Variants in PRKG1 observed in about 807,000 individuals in gnomAD.
The protein encoded by PRKG1 is protein kinase cGMP-dependent 1, also known as cGMP-dependent protein kinase 1.
A neutral mutation model predicts 88.1 loss-of-function variants in PRKG1; 35 were observed. The ratio of observed to expected loss-of-function variants is 0.40; its 90% CI spans 0.30 to 0.53. PRKG1 has a LOEUF of 0.53. PRKG1 is among the 20% of genes least tolerant of loss of function. PRKG1 has a pLI of 0.59. For synonymous variants in PRKG1, 303 were observed against 292.5 expected (o/e 1.04, Z -0.37); for missense variants, 540 against 839.8 (o/e 0.64, Z 4.41).
intron 4 of PRKG1, among the ~76,000 whole-genome samples, chr10:51,890,383 G>A (rs977473269): frequency 6.6e-6 from 1 of 152,080 alleles, no homozygotes; most frequent in East Asian, 1.9e-4. Context: ...AAAACTTACA[G>A]GTATCTTAGG....
intron 2 of PRKG1, among the ~76,000 whole-genome samples, chr10:51,211,136 C>T (rs1247683753): frequency 6.6e-6 from 1 of 152,192 alleles, no homozygotes; most frequent in Non-Finnish European, 1.5e-5. Flanking sequence ...TGGGCTTCAT[C>T]CCTGGGATGC....
chr10:51,586,270 T>C (rs1838170778), intron 3 of PRKG1, among the ~76,000 whole-genome samples: 1 of 152,168 alleles, frequency 6.6e-6, no homozygotes. Flanking sequence ...ACAGACATAT[T>C]ACATACTAAA....
At chr10:52,008,253 C>G (rs183323816) in intron 5 of PRKG1, among the ~76,000 whole-genome samples, 1 of 152,014 alleles carries the variant, frequency 6.6e-6, no homozygotes, top group African/African-American at 2.4e-5. Flanking sequence ...TCAAAGCTAG[C>G]AGAAGACAAG....
chr10:51,970,726 G>A (rs929777479), intron 5 of PRKG1, among the ~76,000 whole-genome samples: 10 of 123,238 alleles, frequency 8.1e-5, no homozygotes, highest in East Asian at 4.0e-4. Flanking sequence ...ATATATATCA[G>A]ATATATCAGA....
chr10:51,741,787 C>A (rs1024139221), intron 3 of PRKG1, among the ~76,000 whole-genome samples: 4 of 152,118 alleles, frequency 2.6e-5, no homozygotes, highest in African/African-American at 9.7e-5. Flanking sequence ...TCGCATTTAC[C>A]TGTAACCCCA....
chr10:52,268,237 T>C (rs1422729829), intron 10 of PRKG1, among the ~76,000 whole-genome samples: 1 of 152,138 alleles, frequency 6.6e-6, no homozygotes, highest in East Asian at 1.9e-4. Flanking sequence ...AAAGCCTCAG[T>C]AGGTTAGCAG....
chr10:51,440,445 A>G (rs1275250007), intron 2 of PRKG1, among the ~76,000 whole-genome samples: 5 of 151,952 alleles, frequency 3.3e-5, no homozygotes, highest in Non-Finnish European at 7.4e-5. Context: ...AAATTTAAAA[A>G]TCACAATTCT....
intron 7 of PRKG1, among the ~76,000 whole-genome samples, chr10:52,068,693 A>G (rs981131251): frequency 3.9e-5 from 6 of 152,108 alleles, no homozygotes; most frequent in Non-Finnish European, 8.8e-5. Context: ...CATCATCATC[A>G]TCATATCATC....
At chr10:51,992,248 G>T (rs1205905720) in intron 5 of PRKG1, among the ~76,000 whole-genome samples, 1 of 151,988 alleles carries the variant, frequency 6.6e-6, no homozygotes, top group East Asian at 1.9e-4. Flanking sequence ...CCAATTTTGT[G>T]AACAGAAGTG....
At chr10:51,913,389 A>G (rs146228220) in intron 5 of PRKG1, among the ~76,000 whole-genome samples, 58 of 152,302 alleles carry the variant, frequency 3.8e-4, no homozygotes, top group Non-Finnish European at 5.9e-4. Flanking sequence ...CTAGTAGTTC[A>G]CAGTGTCTGT....
chr10:52,233,904 A>T (rs1840602733), intron 9 of PRKG1, among the ~76,000 whole-genome samples: 1 of 152,134 alleles, frequency 6.6e-6, no homozygotes. Flanking sequence ...CTGCAGACTT[A>T]AATGTCCCTG....
At chr10:51,624,101 C>T (rs1356879205) in intron 3 of PRKG1, among the ~76,000 whole-genome samples, 3 of 152,076 alleles carry the variant, frequency 2.0e-5, no homozygotes, top group Non-Finnish European at 4.4e-5. Context: ...ACTTTTTAAG[C>T]CAGGCCTTTG....
At chr10:51,081,930 A>T (rs138923536) in intron 1 of PRKG1, among the ~76,000 whole-genome samples, 47 of 151,994 alleles carry the variant, frequency 3.1e-4, no homozygotes, top group African/African-American at 1.0e-3. Flanking sequence ...ATAATTTTTA[A>T]TTTTTTTCTG....
At chr10:52,109,035 C>A (rs1490601778) in intron 7 of PRKG1, among the ~76,000 whole-genome samples, 1 of 151,932 alleles carries the variant, frequency 6.6e-6, no homozygotes, top group Non-Finnish European at 1.5e-5. Context: ...ACCATATTGG[C>A]CAGGCTGGTC....
At chr10:51,943,738 T>C (rs1467434325) in intron 5 of PRKG1, among the ~76,000 whole-genome samples, 1 of 152,116 alleles carries the variant, frequency 6.6e-6, no homozygotes, top group African/African-American at 2.4e-5. Context: ...TTGGTTCTGT[T>C]TATATGCTGG....
intron 4 of PRKG1, among the ~76,000 whole-genome samples, chr10:51,861,066 T>C (rs1029541339): frequency 1.3e-4 from 20 of 152,058 alleles, no homozygotes; most frequent in African/African-American, 4.4e-4. Context: ...TTTTATGGCA[T>C]TTTATGAGAT....
At chr10:51,882,281 C>T (rs1841457264) in intron 4 of PRKG1, among the ~76,000 whole-genome samples, 1 of 152,164 alleles carries the variant, frequency 6.6e-6, no homozygotes, top group South Asian at 2.1e-4. Context: ...ACATTAGGGG[C>T]TCTTTCTCCA....
intron 1 of PRKG1, among the ~76,000 whole-genome samples, chr10:51,012,338 A>G (rs1843002824): frequency 6.6e-6 from 1 of 152,204 alleles, no homozygotes; most frequent in South Asian, 2.1e-4. Flanking sequence ...GGCCTTGAGA[A>G]AGTAAAATCT....
chr10:51,156,770 A>C (rs1002260676), intron 2 of PRKG1, among the ~76,000 whole-genome samples: 3 of 152,014 alleles, frequency 2.0e-5, no homozygotes, highest in African/African-American at 7.2e-5. Flanking sequence ...TTAATTGAGG[A>C]AATGTTTCAT....
Sources: gnomAD v4.1 joint callset for allele counts (sites outside exome capture counted in the v4.1 genomes callset) on GRCh38, gnomAD v4.1.1 for gene constraint, MANE v1.5 for transcripts, NCBI Gene and HGNC (gene_info 2026-07-23, HGNC 2026-07-21) for gene names.